NEBL: variants seen among roughly 807,000 people sequenced by gnomAD.
The protein encoded by NEBL is nebulette, also known as LIM and SH3 protein 2.
Under a neutral mutation model 140.2 loss-of-function variants are expected in NEBL, and 122 were observed. That is an observed-to-expected ratio of 0.87 (90% CI 0.75 to 1.01). The LOEUF (loss-of-function observed/expected upper bound fraction) is 1.01. Ranked by LOEUF, NEBL falls within the 50% of genes least tolerant of loss-of-function variation. NEBL has a pLI of 0.00. For missense variants in NEBL, 1,365 were observed against 1,231.3 expected, an observed-to-expected ratio of 1.11 and a Z score of -1.62; for synonymous variants, 436 against 398.9, an observed-to-expected ratio of 1.09 and a Z score of -1.11.
At chr10:20,912,838 C>T (rs1246505331) in intron 4 of NEBL, among the ~76,000 whole-genome samples, 2 of 151,202 alleles carry the variant, frequency 1.3e-5, no homozygotes, top group Admixed American at 6.6e-5. Context: ...TTTCCCTATG[C>T]CATGCTGAAC....
intron 2 of NEBL, among the ~76,000 whole-genome samples, chr10:21,048,480 A>C: frequency 6.6e-6 from 1 of 151,902 alleles, no homozygotes; most frequent in Non-Finnish European, 1.5e-5. Context: ...CCTAAGTAAC[A>C]GAAGAGAAAC....
At chr10:20,997,334 A>G (rs1201558950) in intron 3 of NEBL, among the ~76,000 whole-genome samples, 1 of 152,124 alleles carries the variant, frequency 6.6e-6, no homozygotes, top group Non-Finnish European at 1.5e-5. Context: ...CTCAAAAGGC[A>G]TCAGTGGCAT....
intron 3 of NEBL, among the ~76,000 whole-genome samples, chr10:21,208,918 T>C (rs1254192716): frequency 6.6e-6 from 1 of 152,132 alleles, no homozygotes; most frequent in Non-Finnish European, 1.5e-5. Context: ...GCTAGATAAG[T>C]CAAGACTGCT....
intron 4 of NEBL, among the ~76,000 whole-genome samples, chr10:20,911,625 A>G (rs887498367): frequency 1.3e-5 from 2 of 152,218 alleles, no homozygotes; most frequent in Admixed American, 6.5e-5. Flanking sequence ...ATTTAACTCA[A>G]GTACATATAA....
intron 2 of NEBL, among the ~76,000 whole-genome samples, chr10:21,089,689 G>A (rs551495576): frequency 2.6e-5 from 4 of 152,138 alleles, no homozygotes; most frequent in South Asian, 2.1e-4. Flanking sequence ...AATGGGAAGC[G>A]GGGAGGCAGA....
chr10:21,145,764 C>CA (rs1370270908), intron 2 of NEBL, among the ~76,000 whole-genome samples: 5 of 152,212 alleles, frequency 3.3e-5, no homozygotes, highest in Non-Finnish European at 7.3e-5. Context: ...ATTCTGCCTG[C>CA]AACAAGGCTA....
intron 3 of NEBL, among the ~76,000 whole-genome samples, chr10:21,209,085 A>G (rs76261781): frequency 6.6e-6 from 1 of 152,204 alleles, no homozygotes; most frequent in African/African-American, 2.4e-5. Context: ...TCCTTAAAGT[A>G]TGAATTCTGT....
intron 1 of NEBL, among the ~76,000 whole-genome samples, chr10:21,255,440 C>G (rs1272878283): frequency 1.3e-5 from 2 of 152,206 alleles, no homozygotes; most frequent in East Asian, 3.9e-4. Context: ...AAAGTATAAG[C>G]TGTGCTGTTC....
chr10:20,889,982 A>G, intron 2 of NEBL, 33 bp from the exon 3 acceptor site: 2 of 1,413,004 alleles, frequency 1.4e-6, no homozygotes, highest in Non-Finnish European at 2.0e-6. Flanking sequence ...TAAGAAGAGA[A>G]AAAGAAAAAC....
At chr10:21,280,204 A>ATGG (rs1842975495) in intron 1 of NEBL, among the ~76,000 whole-genome samples, 1 of 152,138 alleles carries the variant, frequency 6.6e-6, no homozygotes, top group East Asian at 1.9e-4. Context: ...TGGAACCAGC[A>ATGG]TGGGTTCCAG....
At chr10:21,262,108 C>G (rs1318204000) in intron 1 of NEBL, among the ~76,000 whole-genome samples, 1 of 152,162 alleles carries the variant, frequency 6.6e-6, no homozygotes, top group East Asian at 1.9e-4. Context: ...TATCCTGGCA[C>G]ACACGCCTGG....
At chr10:21,101,169 G>A (rs1035157835) in intron 2 of NEBL, among the ~76,000 whole-genome samples, 3 of 152,134 alleles carry the variant, frequency 2.0e-5, no homozygotes, top group South Asian at 2.1e-4. Context: ...CTGAATTGAG[G>A]CAAGAAGTGA....
Position 20,914,555 on chromosome 10 carries a change from G to A in NEBL, c.357+47117C>T, listed in dbSNP as rs371454577. Among the ~76,000 whole-genome samples, 37 of 152,160 alleles carry A rather than the reference G, an allele frequency of 2.4e-4. 1 individual carries two copies. In the East Asian group the frequency reaches 6.8e-3, roughly 28 times the overall value. ...ATAATATTGTTCAATGCTTTCCTTG[G>A]TTATTGCTTTGTTCAGGTTTTCTAA... On this transcript the variant is annotated intron_variant, in intron 4 of 6. Transcript: ENST00000417816.
chr10:20,926,488 A>T (rs547851120), intron 4 of NEBL, among the ~76,000 whole-genome samples: 3 of 152,216 alleles, frequency 2.0e-5, no homozygotes, highest in Non-Finnish European at 4.4e-5. Context: ...TGCTCTGCCT[A>T]TACCTATATG....
intron 1 of NEBL, among the ~76,000 whole-genome samples, chr10:21,260,127 T>C (rs547162291): frequency 4.6e-5 from 7 of 152,346 alleles, no homozygotes; most frequent in Non-Finnish European, 5.9e-5. Flanking sequence ...TGGTTTGCAT[T>C]GGGTTATGCT....
At chr10:21,153,265 T>G (rs1182189496) in intron 2 of NEBL, among the ~76,000 whole-genome samples, 1 of 152,120 alleles carries the variant, frequency 6.6e-6, no homozygotes, top group African/African-American at 2.4e-5. Flanking sequence ...CAAAAAGAAA[T>G]AAGTCTGGCT....
At chr10:20,981,696 C>T (rs766240669) in intron 3 of NEBL, among the ~76,000 whole-genome samples, 9 of 152,106 alleles carry the variant, frequency 5.9e-5, no homozygotes, top group East Asian at 5.8e-4. Flanking sequence ...CCACTGACAC[C>T]GGTGATAGGG....
intron 1 of NEBL, among the ~76,000 whole-genome samples, chr10:21,269,302 C>A (rs1271832287): frequency 6.6e-6 from 1 of 152,140 alleles, no homozygotes; most frequent in Admixed American, 6.6e-5. Flanking sequence ...AAATTGGGCC[C>A]TCCTCCCCCT....
intron 18 of NEBL, among the ~76,000 whole-genome samples, chr10:20,825,917 A>C (rs1182252933): frequency 1.3e-5 from 2 of 152,224 alleles, no homozygotes; most frequent in African/African-American, 2.4e-5. Flanking sequence ...CTGCTGGAAG[A>C]AGCAGAAGGT....
Sources: gnomAD v4.1 joint callset for allele counts (sites outside exome capture counted in the v4.1 genomes callset) on GRCh38, gnomAD v4.1.1 for gene constraint, MANE v1.5 for transcripts, NCBI Gene and HGNC (gene_info 2026-07-23, HGNC 2026-07-21) for gene names.